Variants in MCC observed in about 807,000 individuals in gnomAD.
MCC encodes the protein MCC regulator of Wnt signaling pathway, also known as colorectal mutant cancer protein.
MCC carries 90 observed loss-of-function variants against 116.2 expected under a neutral mutation model. The observed-to-expected ratio is 0.77, with a 90% CI of 0.65 to 0.92. The LOEUF is 0.92. Among genes scored for constraint, MCC ranks in the 40% least tolerant of loss-of-function variants. The probability of loss-of-function intolerance (pLI) is 0.00; values close to 1 mark genes in which losing one functional copy is unlikely to be tolerated. For missense variants in MCC, 1,516 were observed against 1,312.2 expected, an observed-to-expected ratio of 1.16 and a Z score of -2.40; for synonymous variants, 578 against 510.5, an observed-to-expected ratio of 1.13 and a Z score of -1.78.
At chr5:113,460,988 A>G (rs1771726816) in intron 1 of MCC, among the ~76,000 whole-genome samples, 1 of 152,266 alleles carries the variant, frequency 6.6e-6, no homozygotes, top group South Asian at 2.1e-4. Flanking sequence ...CTATAAGCCA[A>G]GCACTCTTAA....
chr5:113,368,895 A>T (rs1006482949), intron 2 of MCC, among the ~76,000 whole-genome samples: 1 of 152,208 alleles, frequency 6.6e-6, no homozygotes, highest in African/African-American at 2.4e-5. Flanking sequence ...CTGTACTTCT[A>T]ATCAACTGGG....
At position 113,025,113 on chromosome 5, in the gene MCC, T is replaced by A. The variant is rs1750442716; in HGVS notation, c.*2189A>T. The A allele has an allele frequency of 6.6e-6, 1 of 152,092 alleles. No homozygotes were observed. Among genetic ancestry groups the A allele is most frequent in the African/African-American group, 2.4e-5 (1 of 41,424 alleles). 9.4% of individuals were successfully genotyped at this position (152,092 alleles called of 1,614,324 possible). On this transcript the variant is annotated 3_prime_UTR_variant, in exon 19 of 19. Coordinates refer to ENST00000408903, the MANE Select transcript of MCC (RefSeq NM_001085377.2). Reference sequence around the variant, plus strand: ...GGATTTTATTCCTGCTTCAGCCACATGTTTCTGTGTCAGTGAAAATGAAAA... The same window carrying A: ...GGATTTTATTCCTGCTTCAGCCACAAGTTTCTGTGTCAGTGAAAATGAAAA...
intron 1 of MCC, among the ~76,000 whole-genome samples, chr5:113,420,107 AAAAAG>A (rs1223771306): frequency 7.8e-5 from 10 of 128,744 alleles, no homozygotes; most frequent in African/African-American, 7.4e-5. Flanking sequence ...ATTGAAATAA[AAAAAG>A]AATTCATTCA....
chr5:113,268,314 T>A (rs1350755329), intron 3 of MCC, among the ~76,000 whole-genome samples: 1 of 152,240 alleles, frequency 6.6e-6, no homozygotes, highest in East Asian at 1.9e-4. Context: ...CAGTTCATTC[T>A]AGCGGTCTCA....
At chr5:113,060,583 ACCATCC>A (rs1414751420) in intron 14 of MCC, among the ~76,000 whole-genome samples, 3 of 152,190 alleles carry the variant, frequency 2.0e-5, no homozygotes, top group Non-Finnish European at 4.4e-5. Context: ...GGAGAACTTT[ACCATCC>A]TATGCATTTT....
chr5:113,273,626 G>C (rs17135535), intron 3 of MCC, among the ~76,000 whole-genome samples: 21,829 of 152,124 alleles, frequency 0.14, 2,272 homozygotes, highest in Admixed American at 0.28. Flanking sequence ...TGTGTGTGTA[G>C]AGACTAAATG....
intron 3 of MCC, among the ~76,000 whole-genome samples, chr5:113,227,548 T>C (rs1763789927): frequency 6.6e-6 from 1 of 152,346 alleles, no homozygotes; most frequent in Admixed American, 6.5e-5. Context: ...TATTCATTCA[T>C]GTAACTAATA....
At chr5:113,448,210 A>G (rs887353749) in intron 1 of MCC, 1 of 152,168 alleles carries the variant, frequency 6.6e-6, no homozygotes, top group Non-Finnish European at 1.5e-5. Context: ...AAGATGGAGG[A>G]TCCACAGGAT....
At chr5:113,433,976 C>T (rs1770758600) in intron 1 of MCC, 1 of 1,613,890 alleles carries the variant, frequency 6.2e-7, no homozygotes, top group African/African-American at 1.3e-5. Context: ...GGGAACTCTC[C>T]CCCTCCTTGT....
At chr5:113,108,382 T>G (rs1204811448) in intron 6 of MCC, among the ~76,000 whole-genome samples, 1 of 134,544 alleles carries the variant, frequency 7.4e-6, no homozygotes, top group Admixed American at 7.8e-5. Context: ...TGGCCAGGTG[T>G]GGTGGCTCAT....
At position 113,071,099 on chromosome 5, in the gene MCC, C is replaced by G. The variant is rs898871672; in HGVS notation, c.1920G>C (p.Gln640His). The change falls in exon 12 of 19, where the codon CAG becomes CAC. Residue 640 changes from glutamine (Q) to histidine (H), a missense_variant. Transcript: ENST00000408903. The part of the protein sequence containing the change: ...SNATALRLAL[Q>H]YSEQCIEAYE... ...ACATCCCAGTGTGTGCCTACCTGTA[C>G]TGCAAGGCCAGCCTCAGCGCTGTGG... 1.9e-5 allele frequency: 30 copies of G among 1,574,198 alleles called. No individual in the cohort carries two copies. Among genetic ancestry groups the G allele is most frequent in the Non-Finnish European group, 2.2e-5 (26 of 1,162,862 alleles).
intron 15 of MCC, 137 bp from the exon 16 acceptor site, chr5:113,049,436 G>T: frequency 3.0e-6 from 2 of 662,816 alleles, no homozygotes; most frequent in Middle Eastern, 4.1e-4. Flanking sequence ...GAAGTTGGCA[G>T]TAGGATGAGT....
chr5:113,443,721 A>T (rs1027639284), intron 1 of MCC, among the ~76,000 whole-genome samples: 1 of 152,258 alleles, frequency 6.6e-6, no homozygotes, highest in Admixed American at 6.5e-5. Flanking sequence ...GTTGAATTTT[A>T]TCGAAGGCCT....
At chr5:113,412,431 G>C (rs1770017752) in intron 1 of MCC, among the ~76,000 whole-genome samples, 1 of 152,086 alleles carries the variant, frequency 6.6e-6, no homozygotes, top group South Asian at 2.1e-4. Flanking sequence ...ATTTGTTTGT[G>C]TCCTCCTTTA....
intron 2 of MCC, among the ~76,000 whole-genome samples, chr5:113,381,195 T>C (rs1244675475): frequency 2.6e-5 from 4 of 152,152 alleles, no homozygotes; most frequent in Non-Finnish European, 5.9e-5. Flanking sequence ...GGCTATACTT[T>C]TGCACGCGAG....
Position 113,137,031 on chromosome 5 carries a change from G to C in MCC, c.884+6187C>G, listed in dbSNP as rs567700969. Reference sequence around the variant, plus strand: ...CCTTTATTTTGAGATATGTGTATTAGTCTGTTCTCACACTGCTATAAAGAA... The same window carrying C: ...CCTTTATTTTGAGATATGTGTATTACTCTGTTCTCACACTGCTATAAAGAA... On this transcript the variant is annotated intron_variant, in intron 5 of 18. Transcript: ENST00000408903. 3.9e-5 allele frequency among the ~76,000 whole-genome samples: 6 copies of C among 152,222 alleles called. No individual in the cohort carries two copies. In the South Asian group the frequency reaches 1.3e-3, roughly 32 times the overall value.
At chr5:113,174,612 A>G (rs1761235272) in intron 3 of MCC, among the ~76,000 whole-genome samples, 1 of 150,242 alleles carries the variant, frequency 6.7e-6, no homozygotes, top group African/African-American at 2.4e-5. Flanking sequence ...TTTTCTTAAG[A>G]CTTTTTTTTT....
chr5:113,059,362 T>G (rs914463460), intron 14 of MCC, among the ~76,000 whole-genome samples: 1 of 152,170 alleles, frequency 6.6e-6, no homozygotes, highest in Non-Finnish European at 1.5e-5. Context: ...CTGCGGAATA[T>G]GATTATGACA....
intron 3 of MCC, among the ~76,000 whole-genome samples, chr5:113,320,686 A>C (rs1343838281): frequency 6.6e-6 from 1 of 152,248 alleles, no homozygotes; most frequent in South Asian, 2.1e-4. Flanking sequence ...GCTTCCAAAA[A>C]AGGTGATATC....
Sources: gnomAD v4.1 joint callset for allele counts (sites outside exome capture counted in the v4.1 genomes callset) on GRCh38, gnomAD v4.1.1 for gene constraint, MANE v1.5 for transcripts, NCBI Gene and HGNC (gene_info 2026-07-23, HGNC 2026-07-21) for gene names.